NIM1K: variants seen among roughly 807,000 people sequenced by gnomAD.
NIM1K encodes the protein serine/threonine-protein kinase NIM1.
Under a neutral mutation model 37.1 loss-of-function variants are expected in NIM1K, and 35 were observed. The observed-to-expected ratio is 0.94, with a 90% CI of 0.72 to 1.25. The LOEUF is 1.25. Ranked by LOEUF, NIM1K falls within the 50% of genes most tolerant of loss-of-function variation. The pLI is 0.00. For synonymous variants in NIM1K, 234 were observed against 206.6 expected, an observed-to-expected ratio of 1.13 and a Z score of -1.14; for missense variants, 564 against 548.0, an observed-to-expected ratio of 1.03 and a Z score of -0.29.
intron 1 of NIM1K, among the ~76,000 whole-genome samples, chr5:43,199,098 G>A (rs1469807341): frequency 1.3e-5 from 2 of 149,490 alleles, no homozygotes; most frequent in Non-Finnish European, 3.0e-5. Flanking sequence ...TAAGGCAGGA[G>A]AATAGCTTGA....
chr5:43,224,695 G>A, intron 1 of NIM1K, among the ~76,000 whole-genome samples: 1 of 88,002 alleles, frequency 1.1e-5, no homozygotes, highest in Non-Finnish European at 2.1e-5. Flanking sequence ...AATAACAAGT[G>A]AATTTTTTTT....
chr5:43,212,972 G>A (rs1752224738), intron 1 of NIM1K, among the ~76,000 whole-genome samples: 1 of 152,110 alleles, frequency 6.6e-6, no homozygotes, highest in African/African-American at 2.4e-5. Context: ...AGTAGAATAT[G>A]GGCTCCCATA....
At chr5:43,232,254 G>A (rs1752550775) in intron 1 of NIM1K, 1 of 1,083,342 alleles carries the variant, frequency 9.2e-7, no homozygotes, top group Non-Finnish European at 1.4e-6. Context: ...CCATGGCAAG[G>A]CTCACATTTC....
intron 2 of NIM1K, among the ~76,000 whole-genome samples, chr5:43,267,166 T>G (rs1210040967): frequency 6.6e-6 from 1 of 152,218 alleles, no homozygotes; most frequent in Non-Finnish European, 1.5e-5. Flanking sequence ...AGGATTTCTA[T>G]TTCTTCCTGA....
chr5:43,232,807 A>G, intron 1 of NIM1K: 1 of 1,063,406 alleles, frequency 9.4e-7, no homozygotes, highest in Non-Finnish European at 1.4e-6. Flanking sequence ...CAGTTTACAA[A>G]TTTGGTCCAA....
chr5:43,210,216 AAT>A (rs561871319), intron 1 of NIM1K, among the ~76,000 whole-genome samples: 7 of 151,192 alleles, frequency 4.6e-5, no homozygotes, highest in Non-Finnish European at 1.0e-4. Context: ...GAGAGGGGAA[AAT>A]TTAAGCTGAA....
intron 1 of NIM1K, among the ~76,000 whole-genome samples, chr5:43,213,073 C>T (rs1222449828): frequency 6.6e-6 from 1 of 152,148 alleles, no homozygotes; most frequent in African/African-American, 2.4e-5. Context: ...ACCATTTCAA[C>T]CACTTATTTG....
At chr5:43,245,051 G>A (rs12109075) in intron 1 of NIM1K, 31 bp from the exon 2 acceptor site, 57,986 of 152,038 alleles carry the variant, frequency 0.38, 11,782 homozygotes, top group Non-Finnish European at 0.44. Flanking sequence ...CATTAGCATA[G>A]GCTAATAAAT....
intron 1 of NIM1K, among the ~76,000 whole-genome samples, chr5:43,212,549 G>A (rs747214107): frequency 6.6e-6 from 1 of 152,158 alleles, no homozygotes; most frequent in South Asian, 2.1e-4. Flanking sequence ...GCTCAGGAGA[G>A]GAGGGCTCAG....
At chr5:43,253,699 A>T (rs1752901761) in intron 2 of NIM1K, among the ~76,000 whole-genome samples, 1 of 150,872 alleles carries the variant, frequency 6.6e-6, no homozygotes. Flanking sequence ...TTGCCCTGTC[A>T]CCCAGCCTGG....
At chr5:43,237,295 A>G (rs1752636179) in intron 1 of NIM1K, among the ~76,000 whole-genome samples, 2 of 152,358 alleles carry the variant, frequency 1.3e-5, no homozygotes, top group African/African-American at 4.8e-5. Context: ...TGAATTACCA[A>G]GTAAGCTCTG....
intron 1 of NIM1K, chr5:43,231,719 T>C: frequency 1.4e-6 from 1 of 715,432 alleles, no homozygotes; most frequent in Non-Finnish European, 2.3e-6. Context: ...CATACACTGC[T>C]ACATAAAAAT....
At chr5:43,250,237 T>A (rs192422330) in intron 2 of NIM1K, among the ~76,000 whole-genome samples, 227 of 151,706 alleles carry the variant, frequency 1.5e-3, no homozygotes, top group African/African-American at 5.2e-3. Flanking sequence ...TATAGATTTT[T>A]AAAATATATT....
chr5:43,195,546 G>C (rs1751899484), intron 1 of NIM1K, among the ~76,000 whole-genome samples: 1 of 151,886 alleles, frequency 6.6e-6, no homozygotes, highest in South Asian at 2.1e-4. Context: ...TGTAGTCCCA[G>C]CTACTGGGGA....
At chr5:43,256,809 A>C (rs1561089211) in intron 2 of NIM1K, among the ~76,000 whole-genome samples, 2 of 152,232 alleles carry the variant, frequency 1.3e-5, no homozygotes, top group Non-Finnish European at 2.9e-5. Context: ...AAATTCAGGC[A>C]TAACTCTTAG....
At chr5:43,279,802 A>T (rs1052052543) in intron 3 of NIM1K, among the ~76,000 whole-genome samples, 178 bp from the exon 4 acceptor site, 12 of 152,176 alleles carry the variant, frequency 7.9e-5, no homozygotes, top group African/African-American at 2.9e-4. Flanking sequence ...CTATTTGGGG[A>T]GGTGTAGGCA....
intron 2 of NIM1K, among the ~76,000 whole-genome samples, chr5:43,270,422 A>C (rs1449361854): frequency 6.6e-6 from 1 of 152,206 alleles, no homozygotes; most frequent in African/African-American, 2.4e-5. Flanking sequence ...AAATGAAGGA[A>C]GAGAGATTCC....
intron 1 of NIM1K, among the ~76,000 whole-genome samples, chr5:43,223,463 A>T (rs1017668431): frequency 1.2e-4 from 18 of 152,236 alleles, no homozygotes; most frequent in Admixed American, 1.2e-3. Flanking sequence ...GGGCCAGAAT[A>T]GTTCATTGAG....
In NIM1K at chr5:43,246,054, C is replaced by A; in HGVS notation, c.279C>A (p.His93Gln). Residue 93 changes from histidine to glutamine, a missense_variant, in exon 2 of 4, where the codon CAC becomes CAA. His to Gln is a conservative substitution (Grantham distance 24). Transcript: ENST00000326035. Reference sequence around the variant, plus strand: ...TCTCCCAAGTGAAGCTTGGGATTCACTCCCTAACCAAAGGTAGGATCCGAC... The same window carrying A: ...TCTCCCAAGTGAAGCTTGGGATTCAATCCCTAACCAAAGGTAGGATCCGAC... ...GNFSQVKLGI[H>Q]SLTKEKVAIK... 6.2e-7 allele frequency: 1 copy of A among 1,611,158 alleles called. No individual in the cohort carries two copies. The highest frequency in any genetic ancestry group is 8.5e-7 in the Non-Finnish European group (1 of 1,178,226).
Sources: gnomAD v4.1 joint callset for allele counts (sites outside exome capture counted in the v4.1 genomes callset) on GRCh38, gnomAD v4.1.1 for gene constraint, MANE v1.5 for transcripts, NCBI Gene and HGNC (gene_info 2026-07-23, HGNC 2026-07-21) for gene names.